The following FHOD3 variants were observed in gnomAD, a reference collection of about 807,000 sequenced individuals.
The protein encoded by FHOD3 is formin homology 2 domain containing 3.
A neutral mutation model predicts 173.0 loss-of-function variants in FHOD3; 90 were observed. The ratio of observed to expected loss-of-function variants is 0.52; its 90% CI spans 0.44 to 0.62. The LOEUF (loss-of-function observed/expected upper bound fraction) is 0.62, where lower values mean the gene tolerates loss of function less well. FHOD3 is among the 20% of genes least tolerant of loss of function. The pLI is 0.00. For missense variants in FHOD3, 1,945 were observed against 2,034.7 expected, an observed-to-expected ratio of 0.96 and a Z score of 0.85; for synonymous variants, 828 against 823.0, an observed-to-expected ratio of 1.01 and a Z score of -0.10.
chr18:36,582,082 G>T (rs1210171241), intron 6 of FHOD3, among the ~76,000 whole-genome samples: 1 of 152,232 alleles, frequency 6.6e-6, no homozygotes, highest in Non-Finnish European at 1.5e-5. Flanking sequence ...AGTGCCAATG[G>T]CAGTAGAAGA....
At chr18:36,753,941 G>A (rs995360554) in intron 24 of FHOD3, among the ~76,000 whole-genome samples, 8 of 152,124 alleles carry the variant, frequency 5.3e-5, no homozygotes, top group Non-Finnish European at 1.2e-4. Context: ...TCTGACACAA[G>A]TCCCTTATTA....
chr18:36,397,352 C>G (rs562407210), intron 3 of FHOD3, among the ~76,000 whole-genome samples: 2 of 152,306 alleles, frequency 1.3e-5, no homozygotes, highest in Non-Finnish European at 2.9e-5. Context: ...GTTTGTCCTT[C>G]TACCCTTTTA....
chr18:36,326,259 T>G (rs996418257), intron 1 of FHOD3, among the ~76,000 whole-genome samples: 5 of 152,364 alleles, frequency 3.3e-5, no homozygotes, highest in South Asian at 4.1e-4. Context: ...TTAGGTTGAC[T>G]TCTAATTTTC....
chr18:36,661,919 A>G (rs2036836807), intron 14 of FHOD3, among the ~76,000 whole-genome samples: 2 of 152,252 alleles, frequency 1.3e-5, no homozygotes, highest in Admixed American at 6.5e-5. Context: ...AACCAGAACT[A>G]TCTGCAAAGG....
At chr18:36,515,694 C>T (rs555210198) in intron 5 of FHOD3, among the ~76,000 whole-genome samples, 9 of 152,230 alleles carry the variant, frequency 5.9e-5, no homozygotes, top group Admixed American at 5.9e-4. Flanking sequence ...GAGGCCCTAG[C>T]TGCAGATAGG....
At chr18:36,307,567 T>G (rs1195069002) in intron 1 of FHOD3, among the ~76,000 whole-genome samples, 1 of 152,258 alleles carries the variant, frequency 6.6e-6, no homozygotes, top group African/African-American at 2.4e-5. Context: ...TAATGTGGAC[T>G]GTTTTTATTA....
chr18:36,477,497 A>G (rs1346425914), intron 3 of FHOD3, among the ~76,000 whole-genome samples: 2 of 59,212 alleles, frequency 3.4e-5, no homozygotes, highest in East Asian at 7.4e-4. Flanking sequence ...CCATCCATCC[A>G]TCCATCCATC....
chr18:36,658,038 T>C, intron 13 of FHOD3, 37 bp from the exon 14 acceptor site: 1 of 1,459,424 alleles, frequency 6.9e-7, no homozygotes, highest in East Asian at 2.3e-5. Flanking sequence ...TATTTCTCTA[T>C]CCTTTTCCCC....
intron 4 of FHOD3, among the ~76,000 whole-genome samples, chr18:36,507,497 A>G (rs1392506923): frequency 2.6e-5 from 4 of 152,192 alleles, no homozygotes; most frequent in Non-Finnish European, 4.4e-5. Context: ...TATAGAACTT[A>G]AGATACTTCA....
chr18:36,512,674 G>A, intron 5 of FHOD3, 131 bp downstream of exon 5: 2 of 616,278 alleles, frequency 3.2e-6, no homozygotes, highest in South Asian at 3.8e-5. Context: ...GACACCCTTT[G>A]GCAAAAAAAC....
At chr18:36,713,113 T>A (rs1270478612) in intron 18 of FHOD3, among the ~76,000 whole-genome samples, 1 of 152,164 alleles carries the variant, frequency 6.6e-6, no homozygotes, top group Non-Finnish European at 1.5e-5. Context: ...CTCAAAGAAT[T>A]ACTACCGGAG....
intron 1 of FHOD3, among the ~76,000 whole-genome samples, chr18:36,339,705 G>A (rs1261075616): frequency 6.6e-6 from 1 of 152,200 alleles, no homozygotes; most frequent in Non-Finnish European, 1.5e-5. Context: ...TTCATGTGCA[G>A]AGTGGTGGGG....
At chr18:36,732,009 G>A (rs569067806) in intron 20 of FHOD3, among the ~76,000 whole-genome samples, 38 of 152,336 alleles carry the variant, frequency 2.5e-4, no homozygotes, top group Non-Finnish European at 5.0e-4. Context: ...CTGGATTCAG[G>A]TGGGCTCTAA....
chr18:36,323,422 T>G (rs2044503073), intron 1 of FHOD3, among the ~76,000 whole-genome samples: 1 of 152,246 alleles, frequency 6.6e-6, no homozygotes, highest in Admixed American at 6.5e-5. Context: ...TTTTCTGGAA[T>G]GCTGTGGCCT....
intron 6 of FHOD3, among the ~76,000 whole-genome samples, chr18:36,587,850 A>G (rs191328922): frequency 1.3e-5 from 2 of 152,358 alleles, no homozygotes; most frequent in African/African-American, 4.8e-5. Context: ...GTTGTCTGCT[A>G]TATTTTACAT....
intron 1 of FHOD3, among the ~76,000 whole-genome samples, chr18:36,326,909 A>G (rs955268464): frequency 6.6e-5 from 10 of 152,232 alleles, no homozygotes; most frequent in Non-Finnish European, 1.3e-4. Flanking sequence ...CCAACTGCCT[A>G]TGTTGCACTC....
chr18:36,757,374 A>G (rs186520961), intron 25 of FHOD3, among the ~76,000 whole-genome samples: 1 of 152,276 alleles, frequency 6.6e-6, no homozygotes, highest in Admixed American at 6.5e-5. Flanking sequence ...TTCCAACTCA[A>G]TTATTAAGGG....
intron 3 of FHOD3, among the ~76,000 whole-genome samples, chr18:36,393,371 C>G (rs961439008): frequency 8.5e-5 from 13 of 152,226 alleles, no homozygotes; most frequent in African/African-American, 3.1e-4. Flanking sequence ...GGGGCCAACA[C>G]TTCTTTTTTG....
intron 25 of FHOD3, among the ~76,000 whole-genome samples, chr18:36,758,847 A>G (rs905711716): frequency 2.0e-5 from 3 of 152,154 alleles, no homozygotes; most frequent in African/African-American, 7.2e-5. Flanking sequence ...GCTGACTGTT[A>G]CCTCAGGGAC....
Sources: allele counts gnomAD v4.1 joint callset (sites outside exome capture counted in the v4.1 genomes callset), GRCh38; gene constraint gnomAD v4.1.1; transcripts MANE v1.5; gene names NCBI Gene and HGNC (gene_info 2026-07-23, HGNC 2026-07-21).